Variants in PCDHGA11 observed in about 807,000 individuals in gnomAD.
PCDHGA11 encodes the protein protocadherin gamma-A11.
A neutral mutation model predicts 60.4 loss-of-function variants in PCDHGA11; 39 were observed. The observed-to-expected ratio is 0.65, with a 90% CI of 0.50 to 0.84. The LOEUF is 0.84. PCDHGA11 is among the 40% of genes least tolerant of loss of function. PCDHGA11 has a pLI of 0.00. For synonymous variants in PCDHGA11, 533 were observed against 510.3 expected (o/e 1.04, Z -0.60); for missense variants, 1,165 against 1,197.7 (o/e 0.97, Z 0.40).
chr5:141,434,455 G>A (rs2097695575), intron 1 of PCDHGA11, among the ~76,000 whole-genome samples: 1 of 152,192 alleles, frequency 6.6e-6, no homozygotes, highest in Admixed American at 6.5e-5. Context: ...GAAGGTAGTG[G>A]GTTTACCGGA....
At position 141,432,778 on chromosome 5, in the gene PCDHGA11, G is replaced by T; in HGVS notation, c.2433+9118G>T. The T allele has an allele frequency of 3.7e-6, 6 of 1,614,166 alleles. No individual in the cohort carries two copies. Among genetic ancestry groups the T allele is most frequent in the Non-Finnish European group, 5.1e-6 (6 of 1,180,002 alleles). ...CCGACAGCATCCCCCAAGTCCTGGCGGACCTCGGCAGCCTCGAGTCTCCAG... is the reference window on the plus strand; with the variant it reads ...CCGACAGCATCCCCCAAGTCCTGGCTGACCTCGGCAGCCTCGAGTCTCCAG... On this transcript the variant is annotated intron_variant, in intron 1 of 3. Transcript: ENST00000398587. The surrounding 1 kb of genome is among the most constrained non-coding windows in gnomAD (Gnocchi z 6.0).
Position 141,489,400 on chromosome 5 carries a change from T to A in PCDHGA11, c.2434-5407T>A. 6.2e-7 allele frequency: 1 copy of A among 1,614,134 alleles called. No individual in the cohort carries two copies. Among genetic ancestry groups the A allele is most frequent in the Non-Finnish European group, 8.5e-7 (1 of 1,180,020 alleles). On this transcript the variant is annotated intron_variant, in intron 1 of 3. Transcript: ENST00000398587. This position sits in a 1 kb window ranked among gnomAD's most constrained non-coding sequence, Gnocchi z 4.5. ...GGGGAATGTTGCTCAGGATCTGGGC[T>A]TAAAGATGACAGATCTGTTGAGCCG...
At chr5:141,435,214 AC>A (rs1332585721) in intron 1 of PCDHGA11, among the ~76,000 whole-genome samples, 1 of 152,176 alleles carries the variant, frequency 6.6e-6, no homozygotes, top group African/African-American at 2.4e-5. Flanking sequence ...AAGTGAATTT[AC>A]TTTCTTTCAA....
In PCDHGA11 at chr5:141,486,042, G is replaced by A; in HGVS notation, c.2434-8765G>A. The A allele has an allele frequency of 6.2e-7, 1 of 1,614,180 alleles. No individual in the cohort carries two copies. The highest frequency in any genetic ancestry group is 8.5e-7 in the Non-Finnish European group (1 of 1,180,030). On this transcript the variant is annotated intron_variant, in intron 1 of 3. Coordinates refer to ENST00000398587, the MANE Select transcript of PCDHGA11 (RefSeq NM_018914.3). This position sits in a 1 kb window ranked among gnomAD's most constrained non-coding sequence, Gnocchi z 5.0. The stretch of plus-strand genomic sequence containing the variant: ...AGTGGTCATACCCCTGATCGTGTAA[G>A]AAACCTCTTTAGCCTGCACCCCACT...
At chr5:141,465,494 G>C (rs2099104306) in intron 1 of PCDHGA11, among the ~76,000 whole-genome samples, 1 of 152,204 alleles carries the variant, frequency 6.6e-6, no homozygotes, top group African/African-American at 2.4e-5. Context: ...ATGAGCGGGA[G>C]CATTGTCGTG....
chr5:141,503,924 G>C (rs1282755998), intron 2 of PCDHGA11, among the ~76,000 whole-genome samples: 1 of 152,146 alleles, frequency 6.6e-6, no homozygotes, highest in Non-Finnish European at 1.5e-5. Flanking sequence ...CACACACACA[G>C]ACATTTTCAT....
chr5:141,458,593 C>T (rs1352799952), intron 1 of PCDHGA11, among the ~76,000 whole-genome samples: 4 of 151,402 alleles, frequency 2.6e-5, no homozygotes, highest in Non-Finnish European at 5.9e-5. Flanking sequence ...GTTTTGGAGA[C>T]GAGTCTCACT....
At position 141,477,055 on chromosome 5, in the gene PCDHGA11, G is replaced by A. The variant is rs531755338; in HGVS notation, c.2434-17752G>A. Reference sequence around the variant, plus strand: ...CAATCAAGGGTCGGCTGGACTTCGAGGACACCAAACTCCATGAGATTTACA... The same window carrying A: ...CAATCAAGGGTCGGCTGGACTTCGAAGACACCAAACTCCATGAGATTTACA... On this transcript the variant is annotated intron_variant, in intron 1 of 3. Transcript: ENST00000398587. This position sits in a 1 kb window ranked among gnomAD's most constrained non-coding sequence, Gnocchi z 4.9. The A allele has an allele frequency of 4.5e-5, 72 of 1,614,242 alleles. 1 individual carries two copies. In the South Asian group the frequency reaches 7.8e-4, roughly 17 times the overall value.
At chr5:141,427,929 T>A in intron 1 of PCDHGA11, 1 of 1,582,776 alleles carries the variant, frequency 6.3e-7, no homozygotes, top group South Asian at 1.1e-5. Flanking sequence ...CCGGCGCATG[T>A]TGGTGGGCGA....
intron 2 of PCDHGA11, among the ~76,000 whole-genome samples, chr5:141,496,486 C>T (rs186488143): frequency 1.3e-5 from 2 of 152,322 alleles, no homozygotes; most frequent in East Asian, 3.9e-4. Flanking sequence ...CTGCAACCAA[C>T]CAAACCCTTG....
At chr5:141,483,737 G>T (rs1052778197) in intron 1 of PCDHGA11, among the ~76,000 whole-genome samples, 1 of 152,102 alleles carries the variant, frequency 6.6e-6, no homozygotes, top group Admixed American at 6.5e-5. Flanking sequence ...TAGTCAAAAG[G>T]ATATTCCTGA....
At position 141,431,174 on chromosome 5, in the gene PCDHGA11, G is replaced by C. The variant is rs568632160; in HGVS notation, c.2433+7514G>C. 6.2e-7 allele frequency: 1 copy of C among 1,614,224 alleles called. No individual in the cohort carries two copies. The highest frequency in any genetic ancestry group is 1.1e-5 in the South Asian group (1 of 91,088). ...GCCTTACTTTCGTGAAAGTGAATTA[G>C]AAATAAAAATTAGTGAAAATGCAGC... is the stretch of plus-strand genomic sequence containing the variant. On this transcript the variant is annotated intron_variant, in intron 1 of 3. Coordinates refer to ENST00000398587, the MANE Select transcript of PCDHGA11 (RefSeq NM_018914.3). This position sits in a 1 kb window ranked among gnomAD's most constrained non-coding sequence, Gnocchi z 4.8.
intron 1 of PCDHGA11, among the ~76,000 whole-genome samples, chr5:141,429,377 GT>G (rs566693637): frequency 1.3e-4 from 20 of 149,526 alleles, no homozygotes; most frequent in South Asian, 8.5e-4. Flanking sequence ...GAGAAAATGT[GT>G]TTTTTTTTTA....
chr5:141,474,135 G>C (rs1032470573), intron 1 of PCDHGA11, among the ~76,000 whole-genome samples: 2 of 152,062 alleles, frequency 1.3e-5, no homozygotes, highest in Admixed American at 1.3e-4. Context: ...GAAAACTACA[G>C]GCCTTATTAT....
rs188874944 is a variant in PCDHGA11, at chr5:141,446,708, C to T, written c.2433+23048C>T. Among the ~76,000 whole-genome samples, 183 of 152,314 alleles carry T rather than the reference C, an allele frequency of 1.2e-3. 1 individual carries two copies. The highest frequency in any genetic ancestry group is 2.1e-3 in the Admixed American group (32 of 15,302). On this transcript the variant is annotated intron_variant, in intron 1 of 3. Coordinates refer to ENST00000398587, the MANE Select transcript of PCDHGA11 (RefSeq NM_018914.3). ...GGCCAGGCTGGTCTCGAACTCTGAT[C>T]TGCCCGCCTCGGCCTCCCAAAGTGT...
At chr5:141,480,703 C>T (rs577131684) in intron 1 of PCDHGA11, among the ~76,000 whole-genome samples, 10 of 152,252 alleles carry the variant, frequency 6.6e-5, no homozygotes, top group Admixed American at 1.3e-4. Flanking sequence ...GGCCACACCC[C>T]GACAAATGAA....
Position 141,491,013 on chromosome 5 carries a change from G to C in PCDHGA11, c.2434-3794G>C. ...CTCCTCCTGGCTCCTTGGTCACCAA[G>C]GTGACAGCCGTGGATGCTGATGCAG... On this transcript the variant is annotated intron_variant, in intron 1 of 3. Transcript: ENST00000398587. The surrounding 1 kb of genome is among the most constrained non-coding windows in gnomAD (Gnocchi z 6.9). 6.2e-7 allele frequency: 1 copy of C among 1,614,144 alleles called. No homozygotes were observed. Among genetic ancestry groups the C allele is most frequent in the Non-Finnish European group, 8.5e-7 (1 of 1,180,040 alleles).
chr5:141,442,135 G>C lies in PCDHGA11; in HGVS notation c.2433+18475G>C, dbSNP rs868124128. 8 of 164,066 alleles carry C rather than the reference G, an allele frequency of 4.9e-5. 1 individual carries two copies. The highest frequency in any genetic ancestry group is 2.8e-4 in the South Asian group (2 of 7,026). 10.2% of individuals were successfully genotyped at this position (164,066 alleles called of 1,614,324 possible). On this transcript the variant is annotated intron_variant, in intron 1 of 3. Transcript: ENST00000398587. ...CCCTCGTCGCCGACAGCCTGCAGGA[G>C]ACTCTGCCAGACCTCAGCGATCACT...
In PCDHGA11 at chr5:141,477,028, G is replaced by A. The variant is rs1015508317; in HGVS notation, c.2434-17779G>A. On this transcript the variant is annotated intron_variant, in intron 1 of 3. Coordinates refer to ENST00000398587, the MANE Select transcript of PCDHGA11 (RefSeq NM_018914.3). The surrounding 1 kb of genome is among the most constrained non-coding windows in gnomAD (Gnocchi z 4.9). ...CCTTAGACCTTGTAACCGGGATGCT[G>A]ACAATCAAGGGTCGGCTGGACTTCG... The A allele has an allele frequency of 2.5e-6, 4 of 1,614,146 alleles. No homozygotes were observed. The highest frequency in any genetic ancestry group is 1.7e-5 in the Admixed American group (1 of 60,018).
Sources: allele counts gnomAD v4.1 joint callset (sites outside exome capture counted in the v4.1 genomes callset), GRCh38; gene constraint gnomAD v4.1.1; non-coding constraint Gnocchi (gnomAD v3.1); transcripts MANE v1.5; gene names NCBI Gene and HGNC (gene_info 2026-07-23, HGNC 2026-07-21).